The following ARAP2 variants were observed in gnomAD, a reference collection of about 807,000 sequenced individuals.
ARAP2 encodes arf-GAP with Rho-GAP domain, ANK repeat and PH domain-containing protein 2.
In ARAP2, 148 loss-of-function variants were observed where a neutral mutation model predicts 194.5. The ratio of observed to expected loss-of-function variants is 0.76; its 90% confidence interval spans 0.67 to 0.87. ARAP2 has a LOEUF of 0.87. Ranked by LOEUF, ARAP2 falls within the 40% of genes least tolerant of loss-of-function variation. The pLI is 0.00. For missense variants in ARAP2, 2,128 were observed against 1,989.7 expected (o/e 1.07, Z -1.32); for synonymous variants, 695 against 683.5 (o/e 1.02, Z -0.26).
intron 5 of ARAP2, among the ~76,000 whole-genome samples, chr4:36,042,840 T>TTCC (rs1553875205): frequency 1.4e-5 from 2 of 145,724 alleles, no homozygotes; most frequent in South Asian, 4.3e-4. Context: ...AATGCGTTTT[T>TTCC]TTCTTCTTTT....
chr4:36,128,003 G>C (rs1407540960), intron 21 of ARAP2, among the ~76,000 whole-genome samples: 1 of 151,702 alleles, frequency 6.6e-6, no homozygotes, highest in Non-Finnish European at 1.5e-5. Flanking sequence ...CCTTTTCTAG[G>C]GTCATCTCTT....
chr4:36,207,126 A>G (rs1187937476), intron 6 of ARAP2, among the ~76,000 whole-genome samples: 1 of 152,228 alleles, frequency 6.6e-6, no homozygotes, highest in African/African-American at 2.4e-5. Context: ...AACAGCTTCA[A>G]ACATTTCTCT....
chr4:36,191,851 T>G (rs1051201143), intron 7 of ARAP2, among the ~76,000 whole-genome samples: 2 of 152,078 alleles, frequency 1.3e-5, no homozygotes, highest in African/African-American at 4.8e-5. Context: ...GGATAAAATA[T>G]CAAGGCTGTT....
At chr4:36,051,855 A>T (rs1722722396) in intron 3 of ARAP2, among the ~76,000 whole-genome samples, 1 of 152,224 alleles carries the variant, frequency 6.6e-6, no homozygotes, top group South Asian at 2.1e-4. Context: ...AGGCAATTCA[A>T]ATGCTGTTTG....
Position 36,140,134 on chromosome 4 carries a change from A to AT in ARAP2, c.3264-6746_3264-6745insA, listed in dbSNP as rs1464829319. Among the ~76,000 whole-genome samples, 633 of 125,360 alleles carry AT rather than the reference A, an allele frequency of 5.0e-3. 5 individuals carry two copies. The highest frequency in any genetic ancestry group is 0.019 in the African/African-American group (604 of 32,136). The allele number at this position is 125,360 out of a possible 152,430, so 82.2% of individuals were successfully genotyped here. A position where few individuals can be genotyped will look rare whatever the true frequency, so the allele number is the denominator to read the frequency against. On this transcript the variant is annotated intron_variant, in intron 19 of 32. Coordinates refer to ENST00000303965, the MANE Select transcript of ARAP2 (RefSeq NM_015230.4). ...ACTTTTCTTTAAAAAACAAAACAAA[A>AT]ACAATACACACACACACACACACAC... is the stretch of plus-strand genomic sequence containing the variant.
At chr4:36,197,071 C>A (rs1224153143) in intron 6 of ARAP2, among the ~76,000 whole-genome samples, 1 of 151,610 alleles carries the variant, frequency 6.6e-6, no homozygotes, top group African/African-American at 2.4e-5. Context: ...TCGTATACCA[C>A]CCATACTAGA....
At chr4:36,034,219 T>C (rs886102515) in intron 5 of ARAP2, among the ~76,000 whole-genome samples, 2 of 152,250 alleles carry the variant, frequency 1.3e-5, no homozygotes, top group Non-Finnish European at 1.5e-5. Flanking sequence ...CATTGAATCA[T>C]AAATTTCTTT....
chr4:36,014,269 GA>G (rs1386547767), intron 8 of ARAP2, among the ~76,000 whole-genome samples: 1 of 138,100 alleles, frequency 7.2e-6, no homozygotes, highest in Non-Finnish European at 1.6e-5. Context: ...AAGAAAGAAA[GA>G]AAGAAAGAAA....
intron 27 of ARAP2, among the ~76,000 whole-genome samples, chr4:36,095,952 T>A (rs148154931): frequency 6.6e-6 from 1 of 152,250 alleles, no homozygotes; most frequent in African/African-American, 2.4e-5. Flanking sequence ...ACACACAAGA[T>A]GTATGGCAGA....
intron 5 of ARAP2, among the ~76,000 whole-genome samples, chr4:36,025,095 A>C (rs1234965327): frequency 6.6e-6 from 1 of 152,170 alleles, no homozygotes; most frequent in Non-Finnish European, 1.5e-5. Flanking sequence ...TGTTGGAGAT[A>C]ATTCATAGTC....
In ARAP2 at chr4:36,039,488, G is replaced by A. The variant is rs142442803; in HGVS notation, n.607+6491C>T. 5.0e-3 allele frequency among the ~76,000 whole-genome samples: 767 copies of A among 152,170 alleles called. 11 individuals are homozygous for A. The highest frequency in any genetic ancestry group is 0.018 in the African/African-American group (740 of 41,530). ...TGGCGGTTAACCTATCTGGGTCTGTGCAGCCCACATAGGCTTCTGCTTGTG... is the reference window on the plus strand; with the variant it reads ...TGGCGGTTAACCTATCTGGGTCTGTACAGCCCACATAGGCTTCTGCTTGTG... On this transcript the variant is annotated intron_variant and non_coding_transcript_variant, in intron 5 of 12. Coordinates refer to the ARAP2 transcript ENST00000503225.
intron 9 of ARAP2, among the ~76,000 whole-genome samples, chr4:36,172,238 G>A (rs1384880983): frequency 1.3e-5 from 2 of 152,232 alleles, no homozygotes; most frequent in African/African-American, 2.4e-5. Flanking sequence ...TGTAGGCACT[G>A]CAGGTCAGGC....
chr4:36,082,913 G>A (rs1729907409), intron 29 of ARAP2, among the ~76,000 whole-genome samples: 1 of 152,112 alleles, frequency 6.6e-6, no homozygotes, highest in African/African-American at 2.4e-5. Context: ...CAGTACCAAA[G>A]TCAGCATAGT....
intron 7 of ARAP2, among the ~76,000 whole-genome samples, chr4:36,188,285 GC>G: frequency 1.3e-5 from 2 of 152,084 alleles, no homozygotes; most frequent in Middle Eastern, 6.8e-3. Context: ...TGTTTTCTGG[GC>G]CCCGTGTTGG....
intron 1 of ARAP2, among the ~76,000 whole-genome samples, chr4:36,235,701 A>G (rs925275868): frequency 2.0e-5 from 3 of 152,210 alleles, no homozygotes; most frequent in African/African-American, 4.8e-5. Context: ...GAAGGTGCAC[A>G]TTGTTTTAAA....
intron 15 of ARAP2, among the ~76,000 whole-genome samples, chr4:36,152,830 A>G (rs1731323409): frequency 6.6e-6 from 1 of 152,230 alleles, no homozygotes; most frequent in African/African-American, 2.4e-5. Context: ...TGAAACTGCA[A>G]AAACCCTATT....
chr4:36,224,250 A>C (rs1260855442), intron 2 of ARAP2, among the ~76,000 whole-genome samples: 2 of 151,750 alleles, frequency 1.3e-5, no homozygotes, highest in Non-Finnish European at 2.9e-5. Flanking sequence ...TAAATAAATA[A>C]AAACAGTTCT....
intron 23 of ARAP2, among the ~76,000 whole-genome samples, chr4:36,120,826 T>A (rs1722493639): frequency 6.6e-6 from 1 of 151,600 alleles, no homozygotes; most frequent in African/African-American, 2.4e-5. Context: ...ACTGCAGAAT[T>A]TAAGAGTCTG....
At position 36,128,747 on chromosome 4, in the gene ARAP2, T is replaced by C; in HGVS notation, c.3428-2A>G. Reference sequence around the variant, plus strand: ...GATAGATATATTTGCATCCTAAACCTTTGTTTAAAAAAAAAAAGTTATACT... The same window carrying C: ...GATAGATATATTTGCATCCTAAACCCTTGTTTAAAAAAAAAAAGTTATACT... On this transcript the variant is annotated splice_acceptor_variant, in intron 20 of 32. Coordinates refer to ENST00000303965, the MANE Select transcript of ARAP2 (RefSeq NM_015230.4). LOFTEE classifies it high-confidence loss of function. 1 of 1,453,122 alleles carries C rather than the reference T, an allele frequency of 6.9e-7. No individual in the cohort carries two copies. The highest frequency in any genetic ancestry group is 9.0e-7 in the Non-Finnish European group (1 of 1,109,564). 90.0% of individuals were successfully genotyped at this position (1,453,122 alleles called of 1,614,324 possible).
Sources: gnomAD v4.1 joint callset for allele counts (sites outside exome capture counted in the v4.1 genomes callset) on GRCh38, gnomAD v4.1.1 for gene constraint, MANE v1.5 for transcripts, NCBI Gene and HGNC (gene_info 2026-07-23, HGNC 2026-07-21) for gene names.